The following KAT7 variants were observed in gnomAD, a reference collection of about 807,000 sequenced individuals.
KAT7 encodes the protein lysine acetyltransferase 7, also known as histone acetyltransferase KAT7.
A neutral mutation model predicts 82.1 loss-of-function variants in KAT7; 10 were observed. That is an observed-to-expected ratio of 0.12 (90% CI 0.08 to 0.21). The LOEUF (loss-of-function observed/expected upper bound fraction) is 0.21, where lower values mean the gene tolerates loss of function less well. Ranked by LOEUF, KAT7 falls within the 10% of genes least tolerant of loss-of-function variation. KAT7 has a pLI of 1.00. For missense variants in KAT7, 378 were observed against 760.9 expected, an observed-to-expected ratio of 0.50 and a Z score of 5.92; for synonymous variants, 250 against 262.5, an observed-to-expected ratio of 0.95 and a Z score of 0.46.
At chr17:49,800,123 T>C (rs2074005713) in intron 4 of KAT7, among the ~76,000 whole-genome samples, 1 of 146,478 alleles carries the variant, frequency 6.8e-6, no homozygotes, top group African/African-American at 2.5e-5. Context: ...ACCATTCTCC[T>C]GCCTCAGCCT....
intron 12 of KAT7, chr17:49,824,354 C>CT (rs1355257817): frequency 6.6e-6 from 1 of 151,918 alleles, no homozygotes; most frequent in Non-Finnish European, 1.5e-5. Flanking sequence ...TCCAAGCCTT[C>CT]TTTCTTTCTT....
intron 6 of KAT7, among the ~76,000 whole-genome samples, chr17:49,809,936 T>C (rs1200097876): frequency 1.3e-5 from 2 of 152,230 alleles, no homozygotes; most frequent in African/African-American, 4.8e-5. Context: ...ATATTATATT[T>C]TGTTCATCAT....
At chr17:49,811,827 C>T (rs561658901) in intron 7 of KAT7, among the ~76,000 whole-genome samples, 52 of 152,238 alleles carry the variant, frequency 3.4e-4, no homozygotes, top group African/African-American at 1.3e-3. Context: ...TCTAGTTGTT[C>T]ATAAATTTTA....
intron 4 of KAT7, 85 bp downstream of exon 4, chr17:49,798,643 G>A: frequency 7.0e-7 from 1 of 1,427,514 alleles, no homozygotes; most frequent in East Asian, 2.3e-5. Context: ...GTTCTGTTGG[G>A]ATTTAGCTTC....
intron 9 of KAT7, among the ~76,000 whole-genome samples, chr17:49,818,404 G>A (rs1448535539): frequency 6.6e-6 from 1 of 152,148 alleles, no homozygotes; most frequent in Non-Finnish European, 1.5e-5. Flanking sequence ...CATATCCCTA[G>A]CAACTAGTGT....
intron 2 of KAT7, 64 bp downstream of exon 2, chr17:49,792,097 T>G (rs1018286549): frequency 1.3e-6 from 2 of 1,522,766 alleles, no homozygotes; most frequent in Non-Finnish European, 1.8e-6. Context: ...ATCACATTAT[T>G]TTCCTAGTTA....
rs2074444028 is a variant in KAT7, at chr17:49,834,025, A to G, written c.*6523A>G. 1 of 152,170 alleles carries G rather than the reference A, an allele frequency of 6.6e-6. No individual in the cohort carries two copies. Among genetic ancestry groups the G allele is most frequent in the Non-Finnish European group, 1.5e-5 (1 of 68,024 alleles). The allele number at this position is 152,170 out of a possible 1,614,324, so 9.4% of individuals were successfully genotyped here. A position where few individuals can be genotyped will look rare whatever the true frequency, so the allele number is the denominator to read the frequency against. On this transcript the variant is annotated 3_prime_UTR_variant, in exon 15 of 15. Transcript: ENST00000259021. ...CTCAGTTCACCTCATTTGGTTATTT[A>G]TCGTGTCTTCGCTGTCAGTCAAATT...
At chr17:49,810,641 C>A (rs934287173) in intron 6 of KAT7, among the ~76,000 whole-genome samples, 3 of 152,100 alleles carry the variant, frequency 2.0e-5, no homozygotes, top group African/African-American at 7.2e-5. Flanking sequence ...GATCAATAAG[C>A]ATTAATTGGA....
Position 49,821,380 on chromosome 17 carries a change from G to T in KAT7, c.1199G>T (p.Arg400Leu). Residue 400 changes from arginine (R) to leucine (L), a missense_variant, in exon 10 of 15, where the codon CGC becomes CTC. Physicochemically the swap from Arg to Leu is moderately radical, Grantham distance 102. Transcript: ENST00000259021. Reference protein sequence around the residue: ...WKHPPGDEIYRKGSISVFEVD... With the variant: ...WKHPPGDEIYLKGSISVFEVD... ...CACCCACCTGGTGATGAGATATATC[G>T]CAAAGGTTCAATCTCTGTGTTTGAA... 1 of 1,613,722 alleles carries T rather than the reference G, an allele frequency of 6.2e-7. No individual in the cohort carries two copies. Among genetic ancestry groups the T allele is most frequent in the Non-Finnish European group, 8.5e-7 (1 of 1,179,940 alleles).
intron 1 of KAT7, 61 bp downstream of exon 1, chr17:49,788,910 G>A (rs1055749080): frequency 1.4e-6 from 2 of 1,470,304 alleles, no homozygotes; most frequent in Admixed American, 2.2e-5. Flanking sequence ...GCACCGTGAC[G>A]CAGTTGGCCA....
Position 49,811,477 on chromosome 17 carries a change from C to T in KAT7, c.755C>T (p.Ala252Val). The change falls in exon 7 of 15, where the codon GCA becomes GTA. Residue 252 changes from alanine (A) to valine (V), a missense_variant and splice_region_variant. Ala to Val is a moderately conservative substitution (Grantham distance 64). Transcript: ENST00000259021. ...DNNRHATRHQAPTERQLRYKE... is the reference protein window; with the variant it reads ...DNNRHATRHQVPTERQLRYKE... ...CAGTTTTCTCCTTTTTCCTTTTAGGCACCAACGGAGAGACAGCTTCGATAT... is the reference window on the plus strand; with the variant it reads ...CAGTTTTCTCCTTTTTCCTTTTAGGTACCAACGGAGAGACAGCTTCGATAT... 3 of 1,466,082 alleles carry T rather than the reference C, an allele frequency of 2.0e-6. No individual in the cohort carries two copies. The South Asian group carries it at 3.8e-5, about 19-fold the overall frequency. The allele number at this position is 1,466,082 out of a possible 1,614,324, so 90.8% of individuals were successfully genotyped here.
intron 1 of KAT7, 124 bp from the exon 2 acceptor site, chr17:49,791,762 G>A: frequency 1.1e-6 from 1 of 905,410 alleles, no homozygotes; most frequent in Non-Finnish European, 1.7e-6. Flanking sequence ...AGAAATGCTT[G>A]TGGAATCCTT....
intron 4 of KAT7, among the ~76,000 whole-genome samples, chr17:49,802,704 C>G (rs892937262): frequency 6.6e-6 from 1 of 151,582 alleles, no homozygotes; most frequent in African/African-American, 2.4e-5. Flanking sequence ...TACATAGTAT[C>G]TGAAAAGCAA....
chr17:49,812,623 A>G (rs2074181851), intron 7 of KAT7, among the ~76,000 whole-genome samples: 1 of 152,186 alleles, frequency 6.6e-6, no homozygotes, highest in South Asian at 2.1e-4. Flanking sequence ...ATTCCAATAA[A>G]AAAAAATTGT....
chr17:49,803,890 CTT>C (rs750265866), intron 4 of KAT7, among the ~76,000 whole-genome samples: 24 of 134,642 alleles, frequency 1.8e-4, no homozygotes, highest in Admixed American at 2.2e-4. Context: ...AATTAAATGT[CTT>C]TTTTTTTTTT....
rs1322286288 is a variant in KAT7 at position 49,823,589 on chromosome 17, G to A, written c.1480+294G>A. 2.6e-5 allele frequency: 7 copies of A among 273,702 alleles called. 1 individual carries two copies. Among genetic ancestry groups the A allele is most frequent in the African/African-American group, 1.1e-4 (5 of 45,348 alleles). 17.0% of individuals were successfully genotyped at this position (273,702 alleles called of 1,614,324 possible). ...TTTAAACAGCACATACATGCATGAG[G>A]CTTAAAATCTGGTCCTTGATGCTAG... is the stretch of plus-strand genomic sequence containing the variant. On this transcript the variant is annotated intron_variant, in intron 12 of 14. Coordinates refer to ENST00000259021, the MANE Select transcript of KAT7 (RefSeq NM_007067.5).
chr17:49,794,845 C>T (rs1437496756), intron 2 of KAT7, among the ~76,000 whole-genome samples: 1 of 152,150 alleles, frequency 6.6e-6, no homozygotes, highest in Non-Finnish European at 1.5e-5. Context: ...ACAATGTCAG[C>T]AATGTAAGGT....
intron 1 of KAT7, chr17:49,789,531 C>T (rs1236828793): frequency 6.6e-6 from 1 of 152,218 alleles, no homozygotes; most frequent in Non-Finnish European, 1.5e-5. Flanking sequence ...AATTAGAAGG[C>T]ACTTAGAAGA....
chr17:49,811,444 T>G, intron 6 of KAT7, 32 bp from the exon 7 acceptor site: 1 of 1,135,696 alleles, frequency 8.8e-7, no homozygotes, highest in Non-Finnish European at 1.3e-6. Flanking sequence ...TTATAAGGAG[T>G]TTTCTCTCAG....
Sources: gnomAD v4.1 joint callset for allele counts (sites outside exome capture counted in the v4.1 genomes callset) on GRCh38, gnomAD v4.1.1 for gene constraint, MANE v1.5 for transcripts, NCBI Gene and HGNC (gene_info 2026-07-23, HGNC 2026-07-21) for gene names.